SETBP1: variants seen among roughly 807,000 people sequenced by gnomAD.
SETBP1 encodes the protein SET binding protein 1, also known as SET-binding protein.
SETBP1 carries 9 observed loss-of-function variants against 101.0 expected under a neutral mutation model. That is an observed-to-expected ratio of 0.09 (90% CI 0.05 to 0.16). The LOEUF is 0.16. Ranked by LOEUF, SETBP1 falls within the 10% of genes least tolerant of loss-of-function variation. The pLI is 1.00. For synonymous variants in SETBP1, 818 were observed against 788.5 expected (o/e 1.04, Z -0.63); for missense variants, 1,858 against 2,033.8 (o/e 0.91, Z 1.66).
intron 4 of SETBP1, among the ~76,000 whole-genome samples, chr18:44,977,308 A>G (rs1047833055): frequency 3.9e-5 from 6 of 152,220 alleles, no homozygotes; most frequent in African/African-American, 1.2e-4. Context: ...GAAAGGGGGA[A>G]AAAAGGAGCA....
At chr18:44,847,003 G>A (rs953124148) in intron 2 of SETBP1, among the ~76,000 whole-genome samples, 2 of 152,144 alleles carry the variant, frequency 1.3e-5, no homozygotes, top group African/African-American at 2.4e-5. Flanking sequence ...TCCCGGTCAC[G>A]CAAAGAAACG....
intron 4 of SETBP1, among the ~76,000 whole-genome samples, chr18:45,005,834 G>C (rs1005849775): frequency 2.0e-5 from 3 of 150,932 alleles, no homozygotes; most frequent in African/African-American, 7.3e-5. Flanking sequence ...TTTTAGTAGA[G>C]ACGGGGTTTC....
chr18:44,907,881 T>TG (rs1414417840), intron 3 of SETBP1, among the ~76,000 whole-genome samples: 1 of 152,204 alleles, frequency 6.6e-6, no homozygotes, highest in Non-Finnish European at 1.5e-5. Context: ...CCTCATGCTT[T>TG]GGTGTCATAT....
Position 44,821,185 on chromosome 18 carries a change from C to T in SETBP1, c.487-48045C>T, listed in dbSNP as rs191240830. On this transcript the variant is annotated intron_variant, in intron 2 of 5. Transcript: ENST00000649279. Reference sequence around the variant, plus strand: ...TCTTTGTGCCACTGTTGTTTTCATACGTGAAATCAGGACGTTAACTCCTTC... The same window carrying T: ...TCTTTGTGCCACTGTTGTTTTCATATGTGAAATCAGGACGTTAACTCCTTC... Among the ~76,000 whole-genome samples, 204 of 152,296 alleles carry T rather than the reference C, an allele frequency of 1.3e-3. 1 individual carries two copies. Among genetic ancestry groups the T allele is most frequent in the African/African-American group, 4.3e-3 (179 of 41,566 alleles).
chr18:44,764,546 C>T (rs2070727648), intron 2 of SETBP1, among the ~76,000 whole-genome samples: 1 of 152,108 alleles, frequency 6.6e-6, no homozygotes, highest in Non-Finnish European at 1.5e-5. Context: ...GATCTCGGCT[C>T]ATTGCAAGCT....
At chr18:44,942,957 G>A (rs992300503) in intron 3 of SETBP1, among the ~76,000 whole-genome samples, 2 of 152,112 alleles carry the variant, frequency 1.3e-5, no homozygotes, top group Non-Finnish European at 1.5e-5. Context: ...TATGAGGATG[G>A]GTTCAGTTTA....
chr18:44,706,880 A>T (rs902336759), intron 2 of SETBP1, among the ~76,000 whole-genome samples: 6 of 152,190 alleles, frequency 3.9e-5, no homozygotes, highest in African/African-American at 1.4e-4. Context: ...CACCTGCCAA[A>T]TACAGGTGAT....
At chr18:44,860,046 G>A (rs1286294192) in intron 2 of SETBP1, among the ~76,000 whole-genome samples, 2 of 152,208 alleles carry the variant, frequency 1.3e-5, no homozygotes, top group East Asian at 1.9e-4. Flanking sequence ...CACTGAGTGA[G>A]CCCAGGGATT....
chr18:44,865,844 T>A (rs1352045307), intron 2 of SETBP1, among the ~76,000 whole-genome samples: 1 of 152,336 alleles, frequency 6.6e-6, no homozygotes, highest in East Asian at 1.9e-4. Context: ...GTCACAAGCC[T>A]TGCCTTTGGT....
At chr18:45,051,554 G>A (rs1234317719) in intron 5 of SETBP1, among the ~76,000 whole-genome samples, 1 of 152,044 alleles carries the variant, frequency 6.6e-6, no homozygotes, top group South Asian at 2.1e-4. Flanking sequence ...GTTTAATTTG[G>A]CTATGAATCT....
chr18:44,950,625 G>A lies in SETBP1; in HGVS notation c.1285G>A (p.Glu429Lys). ...KKRQSIKAVV[E>K]KIMPEKALAS... Reference sequence around the variant, plus strand: ...AAGACAGTCCATTAAAGCGGTGGTGGAAAAGATCATGCCAGAGAAAGCCTT... The same window carrying A: ...AAGACAGTCCATTAAAGCGGTGGTGAAAAAGATCATGCCAGAGAAAGCCTT... The change falls in exon 4 of 6, where the codon GAA (glutamate) becomes AAA (lysine). Residue 429 changes from glutamate (E) to lysine (K), a missense_variant. This residue lies in a region of SETBP1 where 581 missense variants were observed against 535.1 expected (regional missense o/e 1.09). Transcript: ENST00000649279. 6.2e-7 allele frequency: 1 copy of A among 1,614,110 alleles called. No homozygotes were observed. The highest frequency in any genetic ancestry group is 8.5e-7 in the Non-Finnish European group (1 of 1,180,026).
chr18:44,708,566 A>G (rs1041696124), intron 2 of SETBP1, among the ~76,000 whole-genome samples: 2 of 152,124 alleles, frequency 1.3e-5, no homozygotes, highest in African/African-American at 4.8e-5. Context: ...GTGGGGAACG[A>G]CCTTTTCTGC....
chr18:44,752,375 A>G (rs1342293359), intron 2 of SETBP1, among the ~76,000 whole-genome samples: 2 of 152,168 alleles, frequency 1.3e-5, no homozygotes, highest in Non-Finnish European at 2.9e-5. Context: ...TGAGGTAGAA[A>G]GTATATATGT....
chr18:44,785,283 A>C (rs2071216260), intron 2 of SETBP1, among the ~76,000 whole-genome samples: 1 of 152,124 alleles, frequency 6.6e-6, no homozygotes, highest in African/African-American at 2.4e-5. Flanking sequence ...ACTGTTGAGC[A>C]TGTGAAGTTG....
chr18:44,954,798 G>A (rs985440120), intron 4 of SETBP1, among the ~76,000 whole-genome samples: 7 of 152,194 alleles, frequency 4.6e-5, no homozygotes, highest in South Asian at 2.1e-4. Flanking sequence ...ATCAGACTTT[G>A]TTGAAGGTGC....
intron 2 of SETBP1, among the ~76,000 whole-genome samples, chr18:44,762,936 A>G (rs1318938181): frequency 6.6e-6 from 1 of 152,246 alleles, no homozygotes; most frequent in African/African-American, 2.4e-5. Context: ...CATGGTGTCA[A>G]GTATTACATA....
intron 2 of SETBP1, among the ~76,000 whole-genome samples, chr18:44,738,127 T>A (rs1231110013): frequency 1.3e-5 from 2 of 152,174 alleles, no homozygotes; most frequent in South Asian, 2.1e-4. Flanking sequence ...GACTTGCCCA[T>A]ATAAACTGCT....
intron 2 of SETBP1, among the ~76,000 whole-genome samples, chr18:44,809,836 AG>A (rs1254042412): frequency 6.6e-6 from 1 of 152,184 alleles, no homozygotes; most frequent in Non-Finnish European, 1.5e-5. Flanking sequence ...GAGGTTAGGA[AG>A]ATTAGGAGGT....
rs577487069 is a variant in SETBP1 at position 45,066,379 on chromosome 18, C to A, written c.*2681C>A. ...CTAAACAGCTGCTTGGAGGTGGAAG[C>A]AAGTTCAGTCACCTACTCAGCTTCC... On this transcript the variant is annotated 3_prime_UTR_variant, in exon 6 of 6. Coordinates refer to ENST00000649279, the MANE Select transcript of SETBP1 (RefSeq NM_015559.3). 1 of 152,308 alleles carries A rather than the reference C, an allele frequency of 6.6e-6. No individual in the cohort carries two copies. Among genetic ancestry groups the A allele is most frequent in the African/African-American group, 2.4e-5 (1 of 41,572 alleles). 9.4% of individuals were successfully genotyped at this position (152,308 alleles called of 1,614,324 possible).
Sources: gnomAD v4.1 joint callset for allele counts (sites outside exome capture counted in the v4.1 genomes callset) on GRCh38, gnomAD v4.1.1 for gene constraint, gnomAD v4.1.1 regional missense constraint, MANE v1.5 for transcripts, NCBI Gene and HGNC (gene_info 2026-07-23, HGNC 2026-07-21) for gene names.